The following TAFA4 variants were observed in gnomAD, a reference collection of about 807,000 sequenced individuals.
TAFA4 encodes the protein TAFA chemokine like family member 4, also known as chemokine-like protein TAFA-4.
TAFA4 carries 20 observed loss-of-function variants against 21.1 expected under a neutral mutation model. The ratio of observed to expected loss-of-function variants is 0.95; its 90% confidence interval spans 0.67 to 1.38. The LOEUF is 1.38. TAFA4 is among the 40% of genes most tolerant of loss of function. TAFA4 has a pLI of 0.00. For synonymous variants in TAFA4, 71 were observed against 67.4 expected, an observed-to-expected ratio of 1.05 and a Z score of -0.26; for missense variants, 211 against 180.9, an observed-to-expected ratio of 1.17 and a Z score of -0.95.
At chr3:68,851,790 A>G (rs1054957088) in intron 3 of TAFA4, among the ~76,000 whole-genome samples, 11 of 152,186 alleles carry the variant, frequency 7.2e-5, no homozygotes, top group African/African-American at 2.7e-4. Context: ...CAGAGGAGGA[A>G]ACAAAATGGG....
intron 3 of TAFA4, among the ~76,000 whole-genome samples, chr3:68,767,721 C>G (rs538040464): frequency 6.6e-6 from 1 of 151,990 alleles, no homozygotes; most frequent in East Asian, 1.9e-4. Context: ...TCTAACCAGA[C>G]AGATGATTTT....
chr3:68,886,225 A>G (rs1233313358), intron 1 of TAFA4, among the ~76,000 whole-genome samples: 1 of 152,244 alleles, frequency 6.6e-6, no homozygotes, highest in Non-Finnish European at 1.5e-5. Context: ...TAATTCCACA[A>G]GTTTGATTAG....
chr3:68,857,911 G>A (rs1705107633), intron 3 of TAFA4, among the ~76,000 whole-genome samples: 1 of 152,100 alleles, frequency 6.6e-6, no homozygotes, highest in Non-Finnish European at 1.5e-5. Context: ...TTCTAGTTCA[G>A]AGAGGTTGTA....
chr3:68,852,719 A>T (rs1704977961), intron 3 of TAFA4, among the ~76,000 whole-genome samples: 1 of 152,158 alleles, frequency 6.6e-6, no homozygotes, highest in Non-Finnish European at 1.5e-5. Flanking sequence ...TACTAGCCTT[A>T]AATCCTTAGT....
At chr3:68,741,079 T>C (rs778361694) in intron 4 of TAFA4, among the ~76,000 whole-genome samples, 1 of 152,216 alleles carries the variant, frequency 6.6e-6, no homozygotes, top group East Asian at 1.9e-4. Context: ...AATCGGGCTG[T>C]GTGCCTCCAA....
intron 4 of TAFA4, among the ~76,000 whole-genome samples, chr3:68,750,311 A>G (rs1293017609): frequency 2.0e-5 from 3 of 152,198 alleles, no homozygotes; most frequent in African/African-American, 4.8e-5. Context: ...TTTAAAAGGG[A>G]AGACGAATGG....
At chr3:68,900,909 T>A (rs1303471901) in intron 1 of TAFA4, among the ~76,000 whole-genome samples, 2 of 152,158 alleles carry the variant, frequency 1.3e-5, no homozygotes, top group African/African-American at 4.8e-5. Flanking sequence ...CTAAGGAACA[T>A]CCCCAGCCCC....
At chr3:68,821,326 C>CTTTTTTT (rs575774839) in intron 3 of TAFA4, among the ~76,000 whole-genome samples, 5 of 73,670 alleles carry the variant, frequency 6.8e-5, no homozygotes, top group Non-Finnish European at 1.3e-4. Context: ...AACCTCCCTG[C>CTTTTTTT]TTTTTTTTTT....
chr3:68,899,672 C>G (rs2089825253), intron 1 of TAFA4, among the ~76,000 whole-genome samples: 1 of 152,092 alleles, frequency 6.6e-6, no homozygotes, highest in Admixed American at 6.6e-5. Flanking sequence ...GCAAGTATAC[C>G]TATATAAGGA....
Position 68,899,318 on chromosome 3 carries a change from T to C in TAFA4, c.-122-14008A>G, listed in dbSNP as rs140498652. ...TTTAGACATAGCCAGCTAAATAAAA[T>C]ATAATATGAAAATTAAACATAAAAT... On this transcript the variant is annotated intron_variant, in intron 1 of 5. Transcript: ENST00000295569. 3.1e-3 allele frequency among the ~76,000 whole-genome samples: 478 copies of C among 152,166 alleles called. 3 individuals carry two copies. Among genetic ancestry groups the C allele is most frequent in the African/African-American group, 0.011 (441 of 41,506 alleles).
intron 1 of TAFA4, among the ~76,000 whole-genome samples, chr3:68,927,344 A>T (rs1218803794): frequency 2.0e-5 from 3 of 152,216 alleles, no homozygotes; most frequent in Non-Finnish European, 4.4e-5. Context: ...TTCAGAGAAA[A>T]CTTTAGAACA....
intron 1 of TAFA4, among the ~76,000 whole-genome samples, chr3:68,925,197 A>G (rs2090096416): frequency 1.3e-5 from 2 of 152,018 alleles, no homozygotes; most frequent in South Asian, 2.1e-4. Flanking sequence ...GGGTCCATGG[A>G]TATCTCTGTG....
chr3:68,841,460 C>T (rs1704664646), intron 3 of TAFA4, among the ~76,000 whole-genome samples: 1 of 152,154 alleles, frequency 6.6e-6, no homozygotes, highest in Non-Finnish European at 1.5e-5. Context: ...GCCACCTGAC[C>T]CACAACTAAA....
chr3:68,735,037 G>A lies in TAFA4; in HGVS notation c.412-1884C>T, dbSNP rs544706142. ...TTCATTGCTACTTCTGAATTTTGAC[G>A]GATACAAGGCTACTAAGATGCCAAT... On this transcript the variant is annotated intron_variant, in intron 5 of 5. Transcript: ENST00000295569. 2.1e-4 allele frequency among the ~76,000 whole-genome samples: 32 copies of A among 152,086 alleles called. No individual in the cohort carries two copies. In the South Asian group the frequency reaches 3.1e-3, roughly 15 times the overall value.
chr3:68,734,216 T>A (rs1368353967), intron 5 of TAFA4, among the ~76,000 whole-genome samples: 4 of 152,172 alleles, frequency 2.6e-5, no homozygotes, highest in Non-Finnish European at 5.9e-5. Context: ...ATTCTGTTTT[T>A]GATTTTTTCC....
At chr3:68,803,450 G>T (rs1703618632) in intron 3 of TAFA4, among the ~76,000 whole-genome samples, 1 of 152,052 alleles carries the variant, frequency 6.6e-6, no homozygotes, top group African/African-American at 2.4e-5. Context: ...TGTTTATGTG[G>T]CCTTGCTTTG....
chr3:68,877,019 A>G (rs1157531910), intron 3 of TAFA4, among the ~76,000 whole-genome samples: 3 of 152,160 alleles, frequency 2.0e-5, no homozygotes, highest in Non-Finnish European at 4.4e-5. Context: ...GAAGAACTGA[A>G]GCAAAACTGA....
At chr3:68,770,991 G>A (rs534995641) in intron 3 of TAFA4, among the ~76,000 whole-genome samples, 6 of 152,254 alleles carry the variant, frequency 3.9e-5, no homozygotes, top group East Asian at 1.9e-4. Context: ...AGCAGACACC[G>A]GCAGACCAAC....
intron 3 of TAFA4, among the ~76,000 whole-genome samples, chr3:68,789,384 A>C (rs1703322445): frequency 1.3e-5 from 2 of 152,154 alleles, no homozygotes; most frequent in Non-Finnish European, 2.9e-5. Context: ...TTTAATGACA[A>C]AGTTTGCTAA....
Sources: allele counts gnomAD v4.1 joint callset (sites outside exome capture counted in the v4.1 genomes callset), GRCh38; gene constraint gnomAD v4.1.1; transcripts MANE v1.5; gene names NCBI Gene and HGNC (gene_info 2026-07-23, HGNC 2026-07-21).